Variants in CFAP77 observed in about 807,000 individuals in gnomAD.
CFAP77 encodes cilia- and flagella-associated protein 77.
In CFAP77, 25 loss-of-function variants were observed where a neutral mutation model predicts 31.1. The observed-to-expected ratio is 0.80, with a 90% CI of 0.59 to 1.12. The LOEUF is 1.12. Ranked by LOEUF, CFAP77 falls within the 50% of genes most tolerant of loss-of-function variation. The pLI is 0.00. For synonymous variants in CFAP77, 151 were observed against 159.9 expected (o/e 0.94, Z 0.42); for missense variants, 377 against 397.3 (o/e 0.95, Z 0.44).
At position 132,511,831 on chromosome 9, in the gene CFAP77, G is replaced by A. The variant is rs555674240; in HGVS notation, c.524+12231G>A. 4.9e-3 allele frequency among the ~76,000 whole-genome samples: 742 copies of A among 152,278 alleles called. 9 individuals carry two copies. The highest frequency in any genetic ancestry group is 0.017 in the African/African-American group (695 of 41,558). On this transcript the variant is annotated intron_variant, in intron 3 of 5. Transcript: ENST00000393216. This position sits in a 1 kb window ranked among gnomAD's most constrained non-coding sequence, Gnocchi z 5.8. ...AGCACTGTGGGAGGCTGAGGCGGGC[G>A]GATCACGAGGTCAGGAGTTCGACAC... is the stretch of plus-strand genomic sequence containing the variant.
At chr9:132,440,421 A>C (rs1484853277) in intron 1 of CFAP77, among the ~76,000 whole-genome samples, 1 of 152,184 alleles carries the variant, frequency 6.6e-6, no homozygotes, top group Non-Finnish European at 1.5e-5. Flanking sequence ...TGGTTTTACA[A>C]TGCATTCTCT....
chr9:132,491,408 A>G (rs981599032), intron 1 of CFAP77, among the ~76,000 whole-genome samples: 1 of 152,226 alleles, frequency 6.6e-6, no homozygotes, highest in African/African-American at 2.4e-5. Flanking sequence ...TGGAGGTTGC[A>G]GTGAGCCGAG....
chr9:132,427,630 C>CA (rs1564200433), intron 1 of CFAP77, among the ~76,000 whole-genome samples: 1 of 151,996 alleles, frequency 6.6e-6, no homozygotes, highest in East Asian at 1.9e-4. Flanking sequence ...AAAACAACAA[C>CA]AAAAAAACAG....
chr9:132,558,209 T>C (rs1408375706), intron 5 of CFAP77, among the ~76,000 whole-genome samples: 1 of 152,226 alleles, frequency 6.6e-6, no homozygotes, highest in African/African-American at 2.4e-5. Flanking sequence ...ATTAAGATGA[T>C]ATTTATAGAA....
intron 1 of CFAP77, among the ~76,000 whole-genome samples, chr9:132,410,802 C>T (rs1329975860): frequency 6.6e-6 from 1 of 152,186 alleles, no homozygotes; most frequent in Non-Finnish European, 1.5e-5. Context: ...AGAGTGAACC[C>T]ACAGGGTGAC....
chr9:132,410,305 ACG>A lies in CFAP77; in HGVS notation c.37_38del (p.Arg13MetfsTer54). The A allele has an allele frequency of 6.3e-7, 1 of 1,592,912 alleles. No homozygotes were observed. Among genetic ancestry groups the A allele is most frequent in the Non-Finnish European group, 8.5e-7 (1 of 1,171,302 alleles). On this transcript the variant is annotated frameshift_variant, in exon 1 of 6. Transcript: ENST00000393216. LOFTEE classifies it high-confidence loss of function. ...GGCCAGGAGCTCCGGCCCGGACCTCACGCGATGGAGGAAGCAGCAGCAGCCTG... is the reference window on the plus strand; with the variant it reads ...GGCCAGGAGCTCCGGCCCGGACCTCACGATGGAGGAAGCAGCAGCAGCCTG... ...PEARSSGPDL[T>X]RWRKQQQPVR...
chr9:132,446,389 G>A (rs948327943), intron 1 of CFAP77, among the ~76,000 whole-genome samples: 1 of 151,834 alleles, frequency 6.6e-6, no homozygotes, highest in Non-Finnish European at 1.5e-5. Context: ...ATGAAGCCCC[G>A]ATAGATCGCG....
chr9:132,463,441 A>G (rs1589865543), intron 1 of CFAP77, among the ~76,000 whole-genome samples: 2 of 152,190 alleles, frequency 1.3e-5, no homozygotes, highest in East Asian at 3.8e-4. Context: ...TTAAAAAGTC[A>G]GGAAGCTGGG....
chr9:132,499,437 A>C lies in CFAP77; in HGVS notation c.361A>C (p.Ile121Leu), dbSNP rs749463887. Residue 121 changes from isoleucine (I) to leucine (L), a missense_variant, in exon 3 of 6, where the codon ATC becomes CTC. By Grantham distance (5) the Ile-to-Leu change is conservative. Coordinates refer to ENST00000393216, the MANE Select transcript of CFAP77 (RefSeq NM_001282957.2). The surrounding 1 kb of genome is among the most constrained non-coding windows in gnomAD (Gnocchi z 5.4). Reference protein sequence around the residue: ...TCPHELTRNYIAMNRGAVKAG... With the variant: ...TCPHELTRNYLAMNRGAVKAG... ...CCCCCACGAGCTGACCCGGAATTAT[A>C]TCGCAATGAACCGCGGGGCGGTGAA... 1 of 1,614,220 alleles carries C rather than the reference A, an allele frequency of 6.2e-7. No individual in the cohort carries two copies. Among genetic ancestry groups the C allele is most frequent in the South Asian group, 1.1e-5 (1 of 91,084 alleles).
chr9:132,447,163 T>C (rs1850738597), intron 1 of CFAP77, among the ~76,000 whole-genome samples: 1 of 152,130 alleles, frequency 6.6e-6, no homozygotes, highest in Non-Finnish European at 1.5e-5. Context: ...CCAGTCTGAC[T>C]CTCTCCAGAT....
chr9:132,529,592 C>T (rs1852400493), intron 3 of CFAP77, among the ~76,000 whole-genome samples: 4 of 151,112 alleles, frequency 2.6e-5, no homozygotes, highest in Admixed American at 6.6e-5. Flanking sequence ...TTTGGGAGGC[C>T]GAGGCGGACG....
chr9:132,512,240 G>A (rs1001012299), intron 3 of CFAP77, among the ~76,000 whole-genome samples: 3 of 152,084 alleles, frequency 2.0e-5, no homozygotes, highest in Non-Finnish European at 2.9e-5. Context: ...CAAACTTCAC[G>A]TGGCTGTCTC....
At chr9:132,518,106 G>A (rs1852181055) in intron 3 of CFAP77, among the ~76,000 whole-genome samples, 1 of 152,074 alleles carries the variant, frequency 6.6e-6, no homozygotes. Context: ...CACGACACAG[G>A]CTGTTCAGGA....
At position 132,552,312 on chromosome 9, in the gene CFAP77, G is replaced by C. The variant is rs1248998993; in HGVS notation, c.732+9265G>C. Among the ~76,000 whole-genome samples, 1 of 152,252 alleles carries C rather than the reference G, an allele frequency of 6.6e-6. No individual in the cohort carries two copies. Among genetic ancestry groups the C allele is most frequent in the Non-Finnish European group, 1.5e-5 (1 of 68,046 alleles). On this transcript the variant is annotated intron_variant, in intron 5 of 5. Coordinates refer to ENST00000393216, the MANE Select transcript of CFAP77 (RefSeq NM_001282957.2). The surrounding 1 kb of genome is among the most constrained non-coding windows in gnomAD (Gnocchi z 5.5). ...CGGTCATGGAGCAACAAAGCCTCTG[G>C]GAGGGACGAGGCCCTGGAAGCTGCT...
intron 5 of CFAP77, among the ~76,000 whole-genome samples, chr9:132,556,241 T>A (rs894156729): frequency 3.3e-5 from 5 of 152,022 alleles, no homozygotes; most frequent in African/African-American, 1.2e-4. Flanking sequence ...TTCACTAACT[T>A]CTTCTTAGTC....
At chr9:132,533,562 A>G (rs1852495086) in intron 3 of CFAP77, among the ~76,000 whole-genome samples, 1 of 152,150 alleles carries the variant, frequency 6.6e-6, no homozygotes, top group Non-Finnish European at 1.5e-5. Context: ...GGTTGGTACA[A>G]AAGTAATTGC....
intron 5 of CFAP77, among the ~76,000 whole-genome samples, chr9:132,556,258 A>G (rs1235128277): frequency 6.6e-6 from 1 of 152,166 alleles, no homozygotes; most frequent in African/African-American, 2.4e-5. Context: ...AGTCTTCACG[A>G]TAAAAGAAAA....
At chr9:132,416,692 G>T (rs1490849816) in intron 1 of CFAP77, among the ~76,000 whole-genome samples, 4 of 149,442 alleles carry the variant, frequency 2.7e-5, no homozygotes, top group Non-Finnish European at 5.9e-5. Flanking sequence ...AGGCTGGAGT[G>T]CAGTGGTGCA....
intron 5 of CFAP77, among the ~76,000 whole-genome samples, chr9:132,558,081 C>T (rs866460183): frequency 6.6e-6 from 1 of 152,206 alleles, no homozygotes. Context: ...TGGCCATCAG[C>T]TACCACCAGT....
Sources: allele counts gnomAD v4.1 joint callset (sites outside exome capture counted in the v4.1 genomes callset), GRCh38; gene constraint gnomAD v4.1.1; non-coding constraint Gnocchi (gnomAD v3.1); transcripts MANE v1.5; gene names NCBI Gene and HGNC (gene_info 2026-07-23, HGNC 2026-07-21).